The following DNAJC1 variants were observed in gnomAD, a reference collection of about 807,000 sequenced individuals.
DNAJC1 encodes DnaJ heat shock protein family (Hsp40) member C1.
DNAJC1 carries 58 observed loss-of-function variants against 76.6 expected under a neutral mutation model. The ratio of observed to expected loss-of-function variants is 0.76; its 90% CI spans 0.61 to 0.94. The LOEUF is 0.94. DNAJC1 is among the 40% of genes least tolerant of loss of function. The pLI is 0.00. For missense variants in DNAJC1, 689 were observed against 677.3 expected (o/e 1.02, Z -0.19); for synonymous variants, 258 against 267.9 (o/e 0.96, Z 0.36).
intron 8 of DNAJC1, among the ~76,000 whole-genome samples, chr10:21,843,500 T>A (rs1206710343): frequency 6.6e-6 from 1 of 151,708 alleles, no homozygotes; most frequent in African/African-American, 2.4e-5. Flanking sequence ...TTCAAGTGAT[T>A]ATCCTGCCTC....
intron 10 of DNAJC1, among the ~76,000 whole-genome samples, chr10:21,764,446 A>G (rs1226515106): frequency 1.3e-5 from 2 of 152,200 alleles, no homozygotes; most frequent in African/African-American, 4.8e-5. Flanking sequence ...TCACTAAAGC[A>G]ACTCTCTTAA....
intron 9 of DNAJC1, among the ~76,000 whole-genome samples, chr10:21,797,113 A>AT (rs967247020): frequency 3.3e-5 from 5 of 150,300 alleles, no homozygotes; most frequent in Admixed American, 6.6e-5. Flanking sequence ...CATTAAAAAA[A>AT]TTTTTTTTTT....
At chr10:21,802,793 T>C in intron 9 of DNAJC1, among the ~76,000 whole-genome samples, 1 of 152,136 alleles carries the variant, frequency 6.6e-6, no homozygotes, top group East Asian at 1.9e-4. Flanking sequence ...TGGGGCCCCC[T>C]GACCTTAATT....
chr10:21,812,409 T>G (rs1485571840), intron 8 of DNAJC1, among the ~76,000 whole-genome samples: 2 of 152,168 alleles, frequency 1.3e-5, no homozygotes, highest in Non-Finnish European at 2.9e-5. Flanking sequence ...AGTGAATGCT[T>G]TCTTGAAGTA....
chr10:21,805,965 T>A lies in DNAJC1; in HGVS notation c.1098+15A>T, dbSNP rs1834877979. On this transcript the variant is annotated intron_variant, in intron 9 of 11. Transcript: ENST00000376980. The stretch of plus-strand genomic sequence containing the variant: ...GGTTTCTCTCTCTATACAATGCAAA[T>A]CTCAGTGAACTCACATCTGTCACAG... 2.5e-6 allele frequency: 4 copies of A among 1,611,318 alleles called. No individual in the cohort carries two copies. The highest frequency in any genetic ancestry group is 3.4e-6 in the Non-Finnish European group (4 of 1,179,412).
chr10:21,986,022 T>C (rs962628332), intron 1 of DNAJC1, among the ~76,000 whole-genome samples: 3 of 152,176 alleles, frequency 2.0e-5, no homozygotes, highest in Non-Finnish European at 4.4e-5. Flanking sequence ...GGTCAGGAGA[T>C]GGAGACCATC....
In DNAJC1 at chr10:21,830,424, T is replaced by C. The variant is rs142449362; in HGVS notation, c.979-24325A>G. 4.9e-4 allele frequency among the ~76,000 whole-genome samples: 75 copies of C among 152,314 alleles called. 1 individual carries two copies. In the East Asian group the frequency reaches 0.014, roughly 29 times the overall value. ...AGCACTTTGAGGATATTTTCCTACT[T>C]TCTTCTGATATTTTTTGTTGCAGAT... On this transcript the variant is annotated intron_variant, in intron 8 of 11. Transcript: ENST00000376980.
intron 8 of DNAJC1, among the ~76,000 whole-genome samples, chr10:21,848,536 A>G (rs916511323): frequency 6.6e-6 from 1 of 152,154 alleles, no homozygotes; most frequent in Non-Finnish European, 1.5e-5. Flanking sequence ...GTCCTGAAGT[A>G]TTTCCCCAAT....
intron 8 of DNAJC1, chr10:21,865,593 T>C (rs1274746484): frequency 8.5e-5 from 13 of 152,190 alleles, no homozygotes; most frequent in East Asian, 7.7e-4. Context: ...TTACAAAGGG[T>C]TGTAAAGACA....
At chr10:21,901,428 T>TA (rs1214895004) in intron 7 of DNAJC1, among the ~76,000 whole-genome samples, 5 of 152,186 alleles carry the variant, frequency 3.3e-5, no homozygotes, top group Non-Finnish European at 5.9e-5. Flanking sequence ...AGAGAATGTG[T>TA]AAAAAATCAT....
intron 1 of DNAJC1, among the ~76,000 whole-genome samples, chr10:21,961,573 G>C (rs544026270): frequency 4.1e-4 from 62 of 152,238 alleles, no homozygotes; most frequent in African/African-American, 1.4e-3. Context: ...GGGTTGGTGT[G>C]GGGGAAGGGG....
At chr10:21,774,754 G>A (rs972336863) in intron 9 of DNAJC1, among the ~76,000 whole-genome samples, 1 of 152,208 alleles carries the variant, frequency 6.6e-6, no homozygotes, top group African/African-American at 2.4e-5. Context: ...TGGGATTACA[G>A]GCATGAGCCA....
intron 9 of DNAJC1, among the ~76,000 whole-genome samples, chr10:21,799,296 T>C (rs892062340): frequency 1.3e-5 from 2 of 152,008 alleles, no homozygotes; most frequent in African/African-American, 4.8e-5. Context: ...CTGTTTTTTG[T>C]TGTTGTTGTT....
intron 1 of DNAJC1, among the ~76,000 whole-genome samples, chr10:21,975,350 TGA>T (rs770589296): frequency 1.3e-5 from 2 of 148,578 alleles, no homozygotes; most frequent in Non-Finnish European, 3.0e-5. Context: ...AGAAAGAGAG[TGA>T]GAGAGAGAGA....
chr10:21,973,587 C>T (rs1838014904), intron 1 of DNAJC1, among the ~76,000 whole-genome samples: 1 of 151,942 alleles, frequency 6.6e-6, no homozygotes, highest in African/African-American at 2.4e-5. Flanking sequence ...TATCAGTATT[C>T]CTCAAATATG....
chr10:21,783,157 A>G lies in DNAJC1; in HGVS notation c.1099-16848T>C, dbSNP rs868789091. 5.3e-5 allele frequency among the ~76,000 whole-genome samples: 8 copies of G among 152,120 alleles called. No individual in the cohort carries two copies. The South Asian group carries it at 1.0e-3, about 20-fold the overall frequency. On this transcript the variant is annotated intron_variant, in intron 9 of 11. Transcript: ENST00000376980. ...GATTGTATATTTAGAAAACCCCATCATCTCAGCCCAAAATCTCCTTAAACT... is the reference window on the plus strand; with the variant it reads ...GATTGTATATTTAGAAAACCCCATCGTCTCAGCCCAAAATCTCCTTAAACT...
chr10:21,951,118 G>A lies in DNAJC1; in HGVS notation c.223-21977C>T, dbSNP rs939356503. On this transcript the variant is annotated intron_variant, in intron 1 of 11. Coordinates refer to ENST00000376980, the MANE Select transcript of DNAJC1 (RefSeq NM_022365.4). ...AGGCGGATCACAAAGTCAGGAGTTC[G>A]AGACCAGCCTGACCAACATGGTGAA... Among the ~76,000 whole-genome samples, 4 of 152,098 alleles carry A rather than the reference G, an allele frequency of 2.6e-5. No homozygotes were observed. The South Asian group carries it at 8.3e-4, about 32-fold the overall frequency.
At chr10:21,981,268 T>C (rs894507546) in intron 1 of DNAJC1, among the ~76,000 whole-genome samples, 11 of 152,328 alleles carry the variant, frequency 7.2e-5, no homozygotes, top group Admixed American at 6.5e-4. Context: ...TAGTTTACGA[T>C]GGTATGGAGA....
chr10:21,798,333 C>G (rs1460931427), intron 9 of DNAJC1, among the ~76,000 whole-genome samples: 4 of 152,220 alleles, frequency 2.6e-5, no homozygotes, highest in Non-Finnish European at 2.9e-5. Flanking sequence ...TCACTGCACT[C>G]CTTTACTCAG....
Sources: allele counts gnomAD v4.1 joint callset (sites outside exome capture counted in the v4.1 genomes callset), GRCh38; gene constraint gnomAD v4.1.1; transcripts MANE v1.5; gene names NCBI Gene and HGNC (gene_info 2026-07-23, HGNC 2026-07-21).